Variants in ITPK1 observed in about 807,000 individuals in gnomAD.
ITPK1 encodes the protein inositol-tetrakisphosphate 1-kinase.
In ITPK1, 21 loss-of-function variants were observed where a neutral mutation model predicts 45.3. The observed-to-expected ratio is 0.46, with a 90% CI of 0.33 to 0.67. The LOEUF is 0.67. Ranked by LOEUF, ITPK1 falls within the 30% of genes least tolerant of loss-of-function variation. The pLI, the probability that ITPK1 is intolerant of heterozygous loss-of-function variation, is 0.02. For missense variants in ITPK1, 474 were observed against 573.5 expected (o/e 0.83, Z 1.77); for synonymous variants, 258 against 253.6 (o/e 1.02, Z -0.16).
rs550093553 is a variant in ITPK1, at chr14:92,958,019, T to C, written c.670+182A>G. 6.6e-6 allele frequency among the ~76,000 whole-genome samples: 1 copy of C among 152,132 alleles called. No individual in the cohort carries two copies. The highest frequency in any genetic ancestry group is 1.9e-4 in the East Asian group (1 of 5,168). On this transcript the variant is annotated intron_variant, in intron 8 of 10. Coordinates refer to ENST00000267615, the MANE Select transcript of ITPK1 (RefSeq NM_014216.6). The surrounding 1 kb of genome is among the most constrained non-coding windows in gnomAD (Gnocchi z 4.4). ...ACAATGACCCAGGGAATAGGGACAT[T>C]TTACTAGTTCCCCAAGACCTCTTTA...
At chr14:93,033,055 G>A (rs1175668234) in intron 3 of ITPK1, among the ~76,000 whole-genome samples, 1 of 152,222 alleles carries the variant, frequency 6.6e-6, no homozygotes, top group East Asian at 1.9e-4. Flanking sequence ...CAGGGCTTGG[G>A]AAAGGTATAA....
chr14:93,058,397 G>A (rs1255065760), intron 3 of ITPK1, among the ~76,000 whole-genome samples: 2 of 122,822 alleles, frequency 1.6e-5, no homozygotes, highest in African/African-American at 3.2e-5. Flanking sequence ...GGGGGTGTAG[G>A]TCGCAACACA....
At chr14:93,042,582 A>T (rs1175273312) in intron 3 of ITPK1, among the ~76,000 whole-genome samples, 1 of 152,232 alleles carries the variant, frequency 6.6e-6, no homozygotes, top group Non-Finnish European at 1.5e-5. Flanking sequence ...GCAAAGATCC[A>T]AAACTCAGGC....
intron 3 of ITPK1, among the ~76,000 whole-genome samples, chr14:93,049,209 G>A (rs1889906623): frequency 6.6e-6 from 1 of 152,202 alleles, no homozygotes; most frequent in South Asian, 2.1e-4. Flanking sequence ...CCCCTTCTGT[G>A]GCTTCTAGGT....
intron 3 of ITPK1, among the ~76,000 whole-genome samples, chr14:93,019,514 C>G (rs967194548): frequency 1.3e-5 from 2 of 152,222 alleles, no homozygotes; most frequent in African/African-American, 4.8e-5. Context: ...TCTGTGAGAA[C>G]AGCAGCTTGG....
At chr14:93,106,757 G>T (rs1892541632) in intron 2 of ITPK1, among the ~76,000 whole-genome samples, 1 of 152,112 alleles carries the variant, frequency 6.6e-6, no homozygotes, top group Non-Finnish European at 1.5e-5. Flanking sequence ...ACCCAGCACA[G>T]GCCTGGCCAG....
At chr14:93,039,301 C>A (rs1881209931) in intron 3 of ITPK1, among the ~76,000 whole-genome samples, 1 of 152,182 alleles carries the variant, frequency 6.6e-6, no homozygotes, top group South Asian at 2.1e-4. Context: ...GCTGTTCTCT[C>A]TCCTTCTCAG....
At chr14:93,026,180 C>G (rs1378127612) in intron 3 of ITPK1, among the ~76,000 whole-genome samples, 1 of 152,116 alleles carries the variant, frequency 6.6e-6, no homozygotes, top group Non-Finnish European at 1.5e-5. Flanking sequence ...TTAAGGAAAA[C>G]CCATGGTTTG....
At chr14:92,963,036 G>T (rs1212721930) in intron 5 of ITPK1, among the ~76,000 whole-genome samples, 187 bp from the exon 6 acceptor site, 1 of 152,196 alleles carries the variant, frequency 6.6e-6, no homozygotes, top group Non-Finnish European at 1.5e-5. Flanking sequence ...CCGTTACATT[G>T]TCTAATAACA....
intron 3 of ITPK1, among the ~76,000 whole-genome samples, chr14:93,047,990 A>G (rs944997210): frequency 1.3e-5 from 2 of 152,238 alleles, no homozygotes; most frequent in African/African-American, 4.8e-5. Flanking sequence ...AACCTGCCAG[A>G]CCTATCTCTG....
chr14:93,002,597 GC>G (rs1266838800), intron 4 of ITPK1, among the ~76,000 whole-genome samples: 2 of 152,330 alleles, frequency 1.3e-5, no homozygotes, highest in East Asian at 3.9e-4. Flanking sequence ...CCAAGGCGAG[GC>G]CACCAGCCTG....
intron 2 of ITPK1, among the ~76,000 whole-genome samples, chr14:93,112,674 G>A (rs993111065): frequency 6.6e-6 from 1 of 151,864 alleles, no homozygotes; most frequent in African/African-American, 2.4e-5. Flanking sequence ...TCCTGACCTC[G>A]TGACCCACCC....
Position 93,076,664 on chromosome 14 carries a change from G to C in ITPK1, c.96-45C>G, listed in dbSNP as rs779837852. ...AAACAAGCGTTACTCCAGCAGGCTG[G>C]ACACGTCCTTTCCGAAGGTTCCCGA... On this transcript the variant is annotated intron_variant, in intron 2 of 10. Transcript: ENST00000267615. This position sits in a 1 kb window ranked among gnomAD's most constrained non-coding sequence, Gnocchi z 4.3. 3.1e-6 allele frequency: 5 copies of C among 1,613,874 alleles called. No individual in the cohort carries two copies. In the South Asian group the frequency reaches 5.5e-5, roughly 18 times the overall value.
intron 2 of ITPK1, among the ~76,000 whole-genome samples, chr14:93,092,937 C>G (rs79393784): frequency 0.22 from 34,123 of 152,074 alleles, 3,842 homozygotes; most frequent in South Asian, 0.33. Context: ...CCTCCAGCCA[C>G]GGCGCGTGCC....
At chr14:92,959,408 C>T (rs550645698) in intron 7 of ITPK1, among the ~76,000 whole-genome samples, 3 of 152,340 alleles carry the variant, frequency 2.0e-5, no homozygotes, top group South Asian at 2.1e-4. Flanking sequence ...GCCGGCCCTA[C>T]GTGCCTGGAG....
chr14:92,996,276 C>G (rs1223985313), intron 4 of ITPK1, among the ~76,000 whole-genome samples: 2 of 152,160 alleles, frequency 1.3e-5, no homozygotes, highest in Non-Finnish European at 2.9e-5. Context: ...TAAATGTCAA[C>G]ATTAAAAGGT....
At chr14:92,990,440 T>C (rs1886722412) in intron 5 of ITPK1, among the ~76,000 whole-genome samples, 1 of 152,164 alleles carries the variant, frequency 6.6e-6, no homozygotes, top group Non-Finnish European at 1.5e-5. Flanking sequence ...CTCTGGGCTT[T>C]TACATCAGAG....
At chr14:93,030,330 C>T (rs940500918) in intron 3 of ITPK1, among the ~76,000 whole-genome samples, 9 of 152,220 alleles carry the variant, frequency 5.9e-5, no homozygotes, top group African/African-American at 1.4e-4. Flanking sequence ...TCATGAATCA[C>T]ACACAAAAGC....
intron 9 of ITPK1, among the ~76,000 whole-genome samples, chr14:92,950,686 A>C (rs1472582448): frequency 6.6e-6 from 1 of 152,248 alleles, no homozygotes; most frequent in African/African-American, 2.4e-5. Context: ...GAGGACACTC[A>C]GTCTGCAAAT....
Sources: gnomAD v4.1 joint callset for allele counts (sites outside exome capture counted in the v4.1 genomes callset) on GRCh38, gnomAD v4.1.1 for gene constraint, Gnocchi (gnomAD v3.1) non-coding constraint, MANE v1.5 for transcripts, NCBI Gene and HGNC (gene_info 2026-07-23, HGNC 2026-07-21) for gene names.